The following SOX6 variants were observed in gnomAD, a reference collection of about 807,000 sequenced individuals.
SOX6 encodes SRY-box transcription factor 6.
A neutral mutation model predicts 97.8 loss-of-function variants in SOX6; 11 were observed. The observed-to-expected ratio is 0.11, with a 90% confidence interval of 0.07 to 0.19. The LOEUF (loss-of-function observed/expected upper bound fraction) is 0.19, where lower values mean the gene tolerates loss of function less well. SOX6 is among the 10% of genes least tolerant of loss of function. SOX6 has a pLI of 1.00. For synonymous variants in SOX6, 360 were observed against 371.4 expected (o/e 0.97, Z 0.35); for missense variants, 810 against 1,039.5 (o/e 0.78, Z 3.04).
At chr11:16,135,728 T>C (rs1849943574) in intron 6 of SOX6, among the ~76,000 whole-genome samples, 1 of 152,202 alleles carries the variant, frequency 6.6e-6, no homozygotes, top group African/African-American at 2.4e-5. Flanking sequence ...GTATGAACAT[T>C]GTTGAAATAA....
chr11:16,208,825 T>C (rs558327480), intron 4 of SOX6, among the ~76,000 whole-genome samples: 1 of 152,308 alleles, frequency 6.6e-6, no homozygotes, highest in South Asian at 2.1e-4. Context: ...TGGTAAAAGA[T>C]CCATTCAAAT....
intron 4 of SOX6, among the ~76,000 whole-genome samples, chr11:16,555,749 G>C (rs951044370): frequency 6.6e-5 from 10 of 151,590 alleles, no homozygotes; most frequent in Admixed American, 4.6e-4. Flanking sequence ...AAGAAATAGA[G>C]ATATAATGAA....
chr11:16,487,850 T>G (rs968128879), intron 4 of SOX6, among the ~76,000 whole-genome samples: 2 of 152,196 alleles, frequency 1.3e-5, no homozygotes, highest in African/African-American at 4.8e-5. Flanking sequence ...AATGGAGCTC[T>G]GTAATTTAAA....
chr11:16,187,734 G>C (rs78306424), intron 4 of SOX6, among the ~76,000 whole-genome samples: 1,613 of 152,246 alleles, frequency 0.011, 26 homozygotes, highest in African/African-American at 0.037. Context: ...GAACACTTAT[G>C]GTATGCACTA....
chr11:16,658,038 C>A (rs1409826994), intron 3 of SOX6, among the ~76,000 whole-genome samples: 3 of 152,152 alleles, frequency 2.0e-5, no homozygotes, highest in African/African-American at 4.8e-5. Context: ...TCATAAAAAT[C>A]GCTTTGTGTA....
intron 1 of SOX6, among the ~76,000 whole-genome samples, chr11:16,350,873 A>G (rs1856928311): frequency 6.6e-6 from 1 of 152,148 alleles, no homozygotes; most frequent in Admixed American, 6.6e-5. Context: ...TAGACAATCA[A>G]TACTATGGGA....
intron 6 of SOX6, among the ~76,000 whole-genome samples, chr11:16,120,741 T>A (rs1376827892): frequency 6.6e-6 from 1 of 152,070 alleles, no homozygotes; most frequent in Non-Finnish European, 1.5e-5. Context: ...AAGATTTATC[T>A]TGTCACTAGT....
chr11:16,183,810 T>C (rs1590005707), intron 6 of SOX6, 76 bp downstream of exon 6: 6 of 1,352,232 alleles, frequency 4.4e-6, no homozygotes, highest in African/African-American at 2.9e-5. Flanking sequence ...GGGGTACATC[T>C]GCAGAGTTTT....
intron 1 of SOX6, among the ~76,000 whole-genome samples, chr11:16,351,984 T>C (rs916136246): frequency 3.9e-5 from 6 of 152,046 alleles, no homozygotes; most frequent in African/African-American, 1.4e-4. Context: ...AGTAAATACT[T>C]CCCAATTATT....
At chr11:15,973,316 T>C (rs1162224943) in intron 15 of SOX6, among the ~76,000 whole-genome samples, 1 of 152,162 alleles carries the variant, frequency 6.6e-6, no homozygotes, top group African/African-American at 2.4e-5. Flanking sequence ...GGTTAAACAA[T>C]ATGATGGAGC....
rs59652288 is a variant in SOX6, at chr11:16,132,444, AAAAGAAAGAAAGAAAG to A, written c.778-20537_778-20522del. Among the ~76,000 whole-genome samples the A allele has an allele frequency of 1.6e-3, 44 of 27,234 alleles. 1 individual carries two copies. Among genetic ancestry groups the A allele is most frequent in the African/African-American group, 5.0e-3 (29 of 5,842 alleles). 17.9% of individuals were successfully genotyped at this position (27,234 alleles called of 152,430 possible). A position where few individuals can be genotyped will look rare whatever the true frequency, so the allele number is the denominator to read the frequency against. ...AAGAAAGAAAGAAAGAAAGAAAGAAAAAAGAAAGAAAGAAAGAAAGAAAGAAAGAAAGAAAGAAAGA... is the reference window on the plus strand; with the variant it reads ...AAGAAAGAAAGAAAGAAAGAAAGAAAAAAGAAAGAAAGAAAGAAAGAAAGA... On this transcript the variant is annotated intron_variant, in intron 6 of 15. Transcript: ENST00000683767.
intron 1 of SOX6, among the ~76,000 whole-genome samples, chr11:16,473,705 C>T (rs1164190044): frequency 6.6e-6 from 1 of 152,068 alleles, no homozygotes; most frequent in Admixed American, 6.6e-5. Context: ...GCATGCACCA[C>T]CACGCCTGGC....
chr11:16,331,389 G>A (rs1384498111), intron 2 of SOX6, among the ~76,000 whole-genome samples: 1 of 152,112 alleles, frequency 6.6e-6, no homozygotes, highest in African/African-American at 2.4e-5. Context: ...GCCTAAAGAA[G>A]AGAGTCAAGA....
chr11:16,318,736 A>G, intron 2 of SOX6, 83 bp from the exon 3 acceptor site: 2 of 1,046,184 alleles, frequency 1.9e-6, no homozygotes, highest in South Asian at 2.6e-5. Flanking sequence ...AACTGAGGAC[A>G]GTATATGATG....
intron 13 of SOX6, among the ~76,000 whole-genome samples, chr11:16,001,123 C>T (rs1207097697): frequency 6.6e-6 from 1 of 152,084 alleles, no homozygotes; most frequent in Non-Finnish European, 1.5e-5. Flanking sequence ...CCTTGGCCTC[C>T]CAAAATGCTG....
chr11:16,629,327 G>T (rs1292600550), intron 3 of SOX6, among the ~76,000 whole-genome samples: 1 of 152,174 alleles, frequency 6.6e-6, no homozygotes, highest in African/African-American at 2.4e-5. Flanking sequence ...TTTATCAAAA[G>T]CTTTTTCCAC....
chr11:16,651,157 C>T (rs946936056), intron 3 of SOX6, among the ~76,000 whole-genome samples: 12 of 151,914 alleles, frequency 7.9e-5, no homozygotes, highest in African/African-American at 2.4e-4. Context: ...AAGTCCAGGA[C>T]CAAATGAATT....
chr11:16,330,994 G>A (rs1856274332), intron 2 of SOX6, among the ~76,000 whole-genome samples: 1 of 152,138 alleles, frequency 6.6e-6, no homozygotes, highest in South Asian at 2.1e-4. Context: ...TAAAGGGAGT[G>A]ATTATGCAGA....
At chr11:16,225,534 A>G (rs1852662366) in intron 4 of SOX6, among the ~76,000 whole-genome samples, 1 of 152,074 alleles carries the variant, frequency 6.6e-6, no homozygotes, top group Admixed American at 6.6e-5. Context: ...GGAATAAGCA[A>G]TCAAAGTACT....
Sources: allele counts gnomAD v4.1 joint callset (sites outside exome capture counted in the v4.1 genomes callset), GRCh38; gene constraint gnomAD v4.1.1; transcripts MANE v1.5; gene names NCBI Gene and HGNC (gene_info 2026-07-23, HGNC 2026-07-21).